MYOM2: variants seen among roughly 807,000 people sequenced by gnomAD.
MYOM2 encodes the protein myomesin 2, also known as myomesin-2.
MYOM2 carries 254 observed loss-of-function variants against 187.6 expected under a neutral mutation model. The observed-to-expected ratio is 1.35, with a 90% confidence interval of 1.22 to 1.50. MYOM2 has a LOEUF of 1.50. Ranked by LOEUF, MYOM2 falls within the 40% of genes most tolerant of loss-of-function variation. The pLI is 0.00. For synonymous variants in MYOM2, 981 were observed against 753.8 expected (o/e 1.30, Z -4.94); for missense variants, 2,796 against 1,924.0 (o/e 1.45, Z -8.48).
Position 2,092,326 on chromosome 8 carries a change from CT to C in MYOM2, c.1829-16del. On this transcript the variant is annotated intron_variant, in intron 15 of 36. Coordinates refer to ENST00000262113, the MANE Select transcript of MYOM2 (RefSeq NM_003970.4). ...AAGCTCTGATGCCATTTCACCACTCCTTTTGTCTCCTACGAAAAGTTGTCCC... is the reference window on the plus strand; with the variant it reads ...AAGCTCTGATGCCATTTCACCACTCCTTTGTCTCCTACGAAAAGTTGTCCC... The C allele has an allele frequency of 6.2e-7, 1 of 1,611,936 alleles. No homozygotes were observed. Among genetic ancestry groups the C allele is most frequent in the Non-Finnish European group, 8.5e-7 (1 of 1,178,960 alleles).
intron 6 of MYOM2, among the ~76,000 whole-genome samples, chr8:2,062,159 C>T (rs964534522): frequency 6.6e-6 from 1 of 152,166 alleles, no homozygotes; most frequent in Non-Finnish European, 1.5e-5. Context: ...TGGCAGGGGA[C>T]AAGCTGTCAC....
intron 19 of MYOM2, among the ~76,000 whole-genome samples, chr8:2,100,012 CTTTCT>C (rs1796628808): frequency 3.2e-5 from 4 of 126,110 alleles, no homozygotes; most frequent in African/African-American, 8.9e-5. Flanking sequence ...TCCTTCCTTC[CTTTCT>C]TTCCTTCCTT....
chr8:2,064,628 C>A (rs1163477162), intron 6 of MYOM2, among the ~76,000 whole-genome samples: 12 of 152,234 alleles, frequency 7.9e-5, no homozygotes, highest in Non-Finnish European at 1.5e-5. Flanking sequence ...ACTTGATGAG[C>A]TAATCAGTGC....
intron 19 of MYOM2, among the ~76,000 whole-genome samples, chr8:2,100,137 C>CTTCCTTCCTTCT (rs1796651907): frequency 8.9e-6 from 1 of 112,264 alleles, no homozygotes; most frequent in African/African-American, 3.7e-5. Context: ...TCTTTCCTTC[C>CTTCCTTCCTTCT]TTCCTTCCTT....
intron 24 of MYOM2, 157 bp from the exon 25 acceptor site, chr8:2,109,238 T>C (rs949871995): frequency 2.2e-6 from 2 of 908,388 alleles, no homozygotes; most frequent in Non-Finnish European, 3.1e-6. Context: ...CCAGCTCAAG[T>C]TTTATTTTAT....
At chr8:2,055,518 G>A (rs190146736) in intron 3 of MYOM2, among the ~76,000 whole-genome samples, 9 of 151,750 alleles carry the variant, frequency 5.9e-5, no homozygotes, top group East Asian at 1.9e-4. Flanking sequence ...TGGTCGGAGC[G>A]GGGACAGGGA....
chr8:2,106,152 C>T (rs12680413), intron 21 of MYOM2, 90 bp from the exon 22 acceptor site: 238,362 of 1,315,956 alleles, frequency 0.18, 22,131 homozygotes, highest in East Asian at 0.25. Context: ...TGGGTGTGGA[C>T]GCGGAGCCAA....
rs372949130 is a variant in MYOM2, at chr8:2,073,501, G to A, written c.1120+1G>A. Reference sequence around the variant, plus strand: ...CACAGCGCCTTCCTGTTTGTCAGAGGTGCGGGCAGCAGGGTTCTCAGGGTG... The same window carrying A: ...CACAGCGCCTTCCTGTTTGTCAGAGATGCGGGCAGCAGGGTTCTCAGGGTG... On this transcript the variant is annotated splice_donor_variant, in intron 10 of 36. Coordinates refer to ENST00000262113, the MANE Select transcript of MYOM2 (RefSeq NM_003970.4). LOFTEE classifies it high-confidence loss of function. 1.3e-6 allele frequency: 2 copies of A among 1,599,292 alleles called. No individual in the cohort carries two copies. Among genetic ancestry groups the A allele is most frequent in the South Asian group, 1.1e-5 (1 of 90,396 alleles).
chr8:2,074,067 G>C (rs147678562), intron 10 of MYOM2, among the ~76,000 whole-genome samples: 1 of 152,102 alleles, frequency 6.6e-6, no homozygotes, highest in African/African-American at 2.4e-5. Context: ...GGTCCTACAC[G>C]GATTTCGTCT....
In MYOM2 at chr8:2,136,135, A is replaced by G. The variant is rs569330602; in HGVS notation, c.3801-4588A>G. ...AGTCCAAGAGAAGTGTGTGTGATGC[A>G]AGAGAACCTGGGGTCAGAACGCCAA... On this transcript the variant is annotated intron_variant, in intron 32 of 36. Coordinates refer to ENST00000262113, the MANE Select transcript of MYOM2 (RefSeq NM_003970.4). 6.6e-4 allele frequency among the ~76,000 whole-genome samples: 100 copies of G among 152,326 alleles called. 1 individual carries two copies. The highest frequency in any genetic ancestry group is 2.4e-3 in the African/African-American group (98 of 41,578).
chr8:2,077,309 C>A (rs79671950), intron 11 of MYOM2, among the ~76,000 whole-genome samples: 4 of 149,626 alleles, frequency 2.7e-5, no homozygotes, highest in Non-Finnish European at 4.4e-5. Flanking sequence ...ACTCCACCAT[C>A]AAAAAAAACA....
rs191034905 is a variant in MYOM2 at position 2,084,927 on chromosome 8, C to G, written c.1517-336C>G. 2.5e-4 allele frequency: 73 copies of G among 293,886 alleles called. No individual in the cohort carries two copies. The East Asian group carries it at 5.3e-3, about 21-fold the overall frequency. 18.2% of individuals were successfully genotyped at this position (293,886 alleles called of 1,614,324 possible). On this transcript the variant is annotated intron_variant, in intron 13 of 36. Transcript: ENST00000262113. The stretch of plus-strand genomic sequence containing the variant: ...TGTGAATATGTTCTCTGCACAGATT[C>G]CCAACACAGTCAGAGCCCCATTTCG...
Position 2,114,788 on chromosome 8 carries a change from C to CTT in MYOM2, c.3181-1168_3181-1167dup, listed in dbSNP as rs200123756. ...CCCAGCCTAACAAAATTTCTTTTTT[C>CTT]TTTTTATTTTTTTGAGACAGGGTCT... On this transcript the variant is annotated intron_variant, in intron 25 of 36. Coordinates refer to ENST00000262113, the MANE Select transcript of MYOM2 (RefSeq NM_003970.4). Among the ~76,000 whole-genome samples, 831 of 152,098 alleles carry CTT rather than the reference C, an allele frequency of 5.5e-3. 14 individuals are homozygous for CTT. Among genetic ancestry groups the CTT allele is most frequent in the East Asian group, 0.048 (245 of 5,150 alleles).
At position 2,076,376 on chromosome 8, in the gene MYOM2, C is replaced by T. The variant is rs1344795797; in HGVS notation, c.1262+94C>T. The T allele has an allele frequency of 8.5e-5, 125 of 1,466,250 alleles. 1 individual carries two copies. The highest frequency in any genetic ancestry group is 1.0e-4 in the Non-Finnish European group (114 of 1,094,936). The allele number at this position is 1,466,250 out of a possible 1,614,324, so 90.8% of individuals were successfully genotyped here. A position where few individuals can be genotyped will look rare whatever the true frequency, so the allele number is the denominator to read the frequency against. On this transcript the variant is annotated intron_variant, in intron 11 of 36. Coordinates refer to ENST00000262113, the MANE Select transcript of MYOM2 (RefSeq NM_003970.4). ...AGAAATTTTTCTCAATGCAGGTTGACGTTCCCATTTTTTGATTGGCTCTAG... is the reference window on the plus strand; with the variant it reads ...AGAAATTTTTCTCAATGCAGGTTGATGTTCCCATTTTTTGATTGGCTCTAG...
chr8:2,107,260 T>G (rs1365850234), intron 23 of MYOM2, among the ~76,000 whole-genome samples: 1 of 152,126 alleles, frequency 6.6e-6, no homozygotes, highest in Non-Finnish European at 1.5e-5. Flanking sequence ...TTAGACATTT[T>G]TAAACGAAGG....
chr8:2,062,469 G>A (rs927792720), intron 6 of MYOM2, among the ~76,000 whole-genome samples: 5 of 152,108 alleles, frequency 3.3e-5, no homozygotes, highest in African/African-American at 9.7e-5. Flanking sequence ...TTTGCTGCTG[G>A]GCTCGACTGG....
chr8:2,122,597 G>A (rs555303355), intron 28 of MYOM2, among the ~76,000 whole-genome samples: 3 of 152,338 alleles, frequency 2.0e-5, no homozygotes, highest in African/African-American at 7.2e-5. Flanking sequence ...ACATCGAATT[G>A]TGAGACTTGT....
chr8:2,069,293 C>T lies in MYOM2; in HGVS notation c.669C>T (p.Asp223=), dbSNP rs749249234. The change falls in exon 7 of 37, where the codon GAC becomes GAT. Residue 223 remains aspartate, a synonymous_variant. Transcript: ENST00000262113. ...TCTCTCCAAGGGCAGACTTTGACGA[C>T]ACTGCGACATACTCAGCAGTGGCCA... ...TLEINRADFD[D]TATYSAVATN... 1 of 1,612,488 alleles carries T rather than the reference C, an allele frequency of 6.2e-7. No individual in the cohort carries two copies. The highest frequency in any genetic ancestry group is 1.7e-5 in the Admixed American group (1 of 60,012).
At chr8:2,087,250 C>G (rs1796124755) in intron 14 of MYOM2, among the ~76,000 whole-genome samples, 1 of 152,116 alleles carries the variant, frequency 6.6e-6, no homozygotes, top group Non-Finnish European at 1.5e-5. Flanking sequence ...ATGCAAGTAA[C>G]AGAGAATATA....
Sources: allele counts gnomAD v4.1 joint callset (sites outside exome capture counted in the v4.1 genomes callset), GRCh38; gene constraint gnomAD v4.1.1; transcripts MANE v1.5; gene names NCBI Gene and HGNC (gene_info 2026-07-23, HGNC 2026-07-21).